CHD1L: variants seen among roughly 807,000 people sequenced by gnomAD.
CHD1L encodes the protein chromodomain helicase DNA binding protein 1 like, also known as ATP-dependent chromatin remodeler CHD1L.
In CHD1L, 118 loss-of-function variants were observed where a neutral mutation model predicts 115.9. The observed-to-expected ratio is 1.02, with a 90% CI of 0.88 to 1.19. The LOEUF is 1.19. Ranked by LOEUF, CHD1L falls within the 50% of genes most tolerant of loss-of-function variation. The pLI, the probability that CHD1L is intolerant of heterozygous loss-of-function variation, is 0.00. For missense variants in CHD1L, 1,179 were observed against 1,065.3 expected (o/e 1.11, Z -1.49); for synonymous variants, 411 against 387.1 (o/e 1.06, Z -0.72).
At chr1:147,284,799 G>A (rs1349763645) in intron 16 of CHD1L, among the ~76,000 whole-genome samples, 1 of 152,168 alleles carries the variant, frequency 6.6e-6, no homozygotes, top group African/African-American at 2.4e-5. Context: ...ATATCCTGCT[G>A]TTGGTAATGA....
chr1:147,229,966 T>C, the CHD1L span, among the ~76,000 whole-genome samples: 1 of 148,896 alleles, frequency 6.7e-6, no homozygotes, highest in Non-Finnish European at 1.5e-5. Flanking sequence ...CAGGGACAAT[T>C]TGACTTCCTC....
At chr1:147,240,689 T>C (rs1405246892), upstream of CHD1L, among the ~76,000 whole-genome samples, 2 of 152,126 alleles carry the variant, frequency 1.3e-5, no homozygotes, top group African/African-American at 4.8e-5. Context: ...GGCCTGGAGG[T>C]GGGACATGTG....
chr1:147,275,463 A>G lies in CHD1L; in HGVS notation c.1380A>G (p.Gln460=). 1 of 1,613,264 alleles carries G rather than the reference A, an allele frequency of 6.2e-7. No individual in the cohort carries two copies. Residue 460 remains glutamine, a synonymous_variant, in exon 13 of 23, where the codon CAA becomes CAG. Coordinates refer to ENST00000369258, the MANE Select transcript of CHD1L (RefSeq NM_004284.6). ...CTGCCAGGGCTCATCGCATTGGCCA[A>G]AACAAGTAAGTGATTTTTTTCTGCT... is the stretch of plus-strand genomic sequence containing the variant. The part of the protein sequence containing the change: ...QAAARAHRIG[Q]NKSVKVIRLI...
At chr1:147,263,428 CAA>C (rs587643353) in intron 6 of CHD1L, among the ~76,000 whole-genome samples, 4 of 124,492 alleles carry the variant, frequency 3.2e-5, no homozygotes, top group Admixed American at 8.2e-5. Context: ...GACCCTGTCT[CAA>C]AAAAAAAAAA....
intron 20 of CHD1L, 87 bp from the exon 21 acceptor site, chr1:147,293,521 A>C (rs1686379888): frequency 3.8e-6 from 4 of 1,056,260 alleles, no homozygotes; most frequent in South Asian, 2.6e-5. Context: ...GTGACCCATC[A>C]AGGGCTGTGC....
chr1:147,201,511 G>A, the CHD1L span: 1 of 1,600,740 alleles, frequency 6.2e-7, no homozygotes, highest in Admixed American at 1.7e-5. Context: ...AGCTCTGTGA[G>A]TCGTGACAAA....
chr1:147,243,898 CA>C (rs1328035930), intron 1 of CHD1L, among the ~76,000 whole-genome samples: 1 of 152,140 alleles, frequency 6.6e-6, no homozygotes, highest in African/African-American at 2.4e-5. Context: ...AGGAATGAAA[CA>C]AAAGGTGCAA....
At position 147,286,443 on chromosome 1, in the gene CHD1L, G is replaced by A; in HGVS notation, c.2164G>A (p.Gly722Ser). ...PDATSLKYVS[G>S]DVTHPQAGAE... ...TGCTACTTCCCTCAAGTACGTTAGT[G>A]GTGATGTCACCCACCCTCAGGCTGG... is the stretch of plus-strand genomic sequence containing the variant. The change falls in exon 18 of 23, where the codon GGT becomes AGT. Residue 722 changes from glycine (G) to serine (S), a missense_variant. Physicochemically the swap from Gly to Ser is moderately conservative, Grantham distance 56 (BLOSUM62 0). Coordinates refer to ENST00000369258, the MANE Select transcript of CHD1L (RefSeq NM_004284.6). 6.2e-7 allele frequency: 1 copy of A among 1,614,110 alleles called. No individual in the cohort carries two copies. The highest frequency in any genetic ancestry group is 8.5e-7 in the Non-Finnish European group (1 of 1,180,032).
the CHD1L span, chr1:147,190,235 G>A: frequency 1.2e-6 from 2 of 1,608,534 alleles, no homozygotes; most frequent in Non-Finnish European, 1.7e-6. Context: ...CTCTGTGAGG[G>A]CAATGTCTTT....
At chr1:147,271,033 T>C (rs1553952666) in intron 11 of CHD1L, 28 bp downstream of exon 11, 1 of 1,569,876 alleles carries the variant, frequency 6.4e-7, no homozygotes, top group Admixed American at 1.7e-5. Flanking sequence ...CTACATTACC[T>C]AAGGCTCTGT....
intron 9 of CHD1L, 98 bp from the exon 10 acceptor site, chr1:147,268,684 T>G (rs1313043201): frequency 1.0e-5 from 9 of 872,094 alleles, no homozygotes; most frequent in Middle Eastern, 3.4e-4. Flanking sequence ...AAACAACTAC[T>G]TATATGATGA....
At chr1:147,208,326 CCAAAGAGA>C in the CHD1L span, 1 of 152,350 alleles carries the variant, frequency 6.6e-6, no homozygotes, top group African/African-American at 2.4e-5. Context: ...AGGGTTACTG[CCAAAGAGA>C]ATTCTAGATT....
intron 1 of CHD1L, among the ~76,000 whole-genome samples, chr1:147,248,957 C>G (rs144095012): frequency 1.2e-3 from 179 of 152,270 alleles, no homozygotes; most frequent in African/African-American, 4.3e-3. Context: ...TTTGCTTCAG[C>G]GGTCAAACAT....
chr1:147,242,730 C>CG lies in CHD1L; in HGVS notation c.32dup (p.Gln12ProfsTer12), dbSNP rs1415394429. 2.1e-5 allele frequency: 27 copies of CG among 1,259,046 alleles called. No homozygotes were observed. Among genetic ancestry groups the CG allele is most frequent in the Non-Finnish European group, 2.5e-5 (25 of 996,840 alleles). The allele number at this position is 1,259,046 out of a possible 1,614,324, so 78.0% of individuals were successfully genotyped here. Reference sequence around the variant, plus strand: ...TGGAGCGCGCGGGCGCTACTAGCCGCGGGGGCCAAGCCCCTGGCTTCTTAC... The same window carrying CG: ...TGGAGCGCGCGGGCGCTACTAGCCGCGGGGGGCCAAGCCCCTGGCTTCTTAC... On this transcript the variant is annotated frameshift_variant, in exon 1 of 23. Transcript: ENST00000369258. LOFTEE classifies it high-confidence loss of function.
the CHD1L span, among the ~76,000 whole-genome samples, chr1:147,232,193 A>G: frequency 1.3e-5 from 2 of 152,190 alleles, no homozygotes; most frequent in African/African-American, 4.8e-5. Context: ...AGTGAGAAAT[A>G]TACTTTTTGC....
the CHD1L span, chr1:147,213,559 A>G: frequency 6.3e-4 from 698 of 1,111,800 alleles, 1 homozygote; most frequent in Non-Finnish European, 7.4e-4. Context: ...CACAGACACT[A>G]TCACATAATA....
At chr1:147,184,512 T>G in the CHD1L span, 1 of 1,547,404 alleles carries the variant, frequency 6.5e-7, no homozygotes, top group Admixed American at 2.0e-5. This position sits in a 1 kb window ranked among gnomAD's most constrained non-coding sequence, Gnocchi z 4.4. Context: ...TTAGGCCCCT[T>G]TATTCCGGGA....
intron 1 of CHD1L, among the ~76,000 whole-genome samples, chr1:147,245,910 C>T (rs11239953): frequency 0.48 from 73,124 of 151,902 alleles, 18,223 homozygotes; most frequent in East Asian, 0.7. Context: ...TGCAATGTGG[C>T]ACATTATCAC....
chr1:147,188,225 T>G, the CHD1L span, among the ~76,000 whole-genome samples: 11 of 152,062 alleles, frequency 7.2e-5, no homozygotes, highest in South Asian at 2.3e-3. Flanking sequence ...TAGGTCAAGA[T>G]CTATACTATT....
Sources: allele counts gnomAD v4.1 joint callset (sites outside exome capture counted in the v4.1 genomes callset), GRCh38; gene constraint gnomAD v4.1.1; non-coding constraint Gnocchi (gnomAD v3.1); transcripts MANE v1.5; gene names NCBI Gene and HGNC (gene_info 2026-07-23, HGNC 2026-07-21).